Variants in MRE11 observed in about 807,000 individuals in gnomAD.
The protein encoded by MRE11 is double-strand break repair protein MRE11.
Under a neutral mutation model 91.7 loss-of-function variants are expected in MRE11, and 62 were observed. The observed-to-expected ratio is 0.68, with a 90% confidence interval of 0.55 to 0.84. The LOEUF is 0.84. Ranked by LOEUF, MRE11 falls within the 40% of genes least tolerant of loss-of-function variation. The pLI is 0.00. For synonymous variants in MRE11, 273 were observed against 271.4 expected (o/e 1.01, Z -0.06); for missense variants, 796 against 852.9 (o/e 0.93, Z 0.83).
At position 94,476,314 on chromosome 11, in the gene MRE11, T is replaced by C. The variant is rs754184272; in HGVS notation, c.634A>G (p.Asn212Asp). 4 of 1,612,876 alleles carry C rather than the reference T, an allele frequency of 2.5e-6. No homozygotes were observed. The South Asian group carries it at 4.4e-5, about 18-fold the overall frequency. ...RPKEDENSWF[N>D]LFVIHQNRSK... ...CTGTTCTGATGAATCACAAATAAGT[T>C]AAACCAAGAGTTCTCATCTTCCTTT... Residue 212 changes from asparagine (N) to aspartate (D), a missense_variant, in exon 7 of 20, where the codon AAC becomes GAC. Asn to Asp is a conservative substitution (Grantham distance 23). Coordinates refer to ENST00000323929, the MANE Select transcript of MRE11 (RefSeq NM_005591.4).
intron 4 of MRE11, among the ~76,000 whole-genome samples, chr11:94,482,183 A>G (rs1947029335): frequency 6.6e-6 from 1 of 152,214 alleles, no homozygotes; most frequent in South Asian, 2.1e-4. Context: ...TATGCTGGTC[A>G]CTACTCTAGC....
the MRE11 span, among the ~76,000 whole-genome samples, chr11:94,507,166 A>T: frequency 6.6e-6 from 1 of 152,206 alleles, no homozygotes; most frequent in African/African-American, 2.4e-5. Flanking sequence ...CTCAAAGGTA[A>T]CTATAATCTA....
At chr11:94,435,680 G>T in intron 18 of MRE11, 152 bp downstream of exon 18, 1 of 662,472 alleles carries the variant, frequency 1.5e-6, no homozygotes, top group Non-Finnish European at 2.7e-6. Flanking sequence ...CTATAAACTA[G>T]CCCTTGGTCT....
intron 1 of MRE11, chr11:94,493,549 C>A (rs547346548): frequency 6.6e-6 from 1 of 152,202 alleles, no homozygotes; most frequent in East Asian, 1.9e-4. Flanking sequence ...CGCAGGGAAC[C>A]TCGGAATCAG....
chr11:94,503,695 CA>C, the MRE11 span, among the ~76,000 whole-genome samples: 473 of 124,542 alleles, frequency 3.8e-3, no homozygotes, highest in African/African-American at 5.5e-3. Flanking sequence ...GACTCCGTGT[CA>C]AAAAAAAAAA....
In MRE11 at chr11:94,460,963, T is replaced by C. The variant is rs765307231; in HGVS notation, c.1299A>G (p.Val433=). 1.9e-6 allele frequency: 3 copies of C among 1,613,864 alleles called. No individual in the cohort carries two copies. The highest frequency in any genetic ancestry group is 3.3e-5 in the Admixed American group (2 of 60,022). Reference sequence around the variant, plus strand: ...TCTCTGCGGTTTGAAAGTACTGTTTTACAAGATCTTCTACCCTTAAAGTTG... The same window carrying C: ...TCTCTGCGGTTTGAAAGTACTGTTTCACAAGATCTTCTACCCTTAAAGTTG... ...EGTTLRVEDL[V]KQYFQTAEKN... The change falls in exon 12 of 20, where the codon GTA becomes GTG. Residue 433 remains valine (V), a synonymous_variant. Transcript: ENST00000323929.
At chr11:94,444,329 A>T (rs956675933) in intron 16 of MRE11, among the ~76,000 whole-genome samples, 8 of 152,218 alleles carry the variant, frequency 5.3e-5, no homozygotes, top group African/African-American at 1.7e-4. Flanking sequence ...AATTTAGTAC[A>T]CAGAGAGAAC....
chr11:94,429,808 GTTAT>G (rs1945414267), intron 19 of MRE11, 99 bp downstream of exon 19: 6 of 968,378 alleles, frequency 6.2e-6, no homozygotes, highest in Non-Finnish European at 9.4e-6. Flanking sequence ...AAAAGATGAA[GTTAT>G]TTATCAAAGA....
In MRE11 at chr11:94,437,204, T is replaced by TCC. The variant is rs1945643490; in HGVS notation, c.1898_1899insGG (p.Asn634GlufsTer11). The TCC allele has an allele frequency of 6.2e-7, 1 of 1,613,022 alleles. No homozygotes were observed. Among genetic ancestry groups the TCC allele is most frequent in the African/African-American group, 1.3e-5 (1 of 74,896 alleles). Reference sequence around the variant, plus strand: ...CTGAATAATTCTTAGTAGTGACATTTCGGGAAGGCTGCTGTCTTGTAGATT... The same window carrying TCC: ...CTGAATAATTCTTAGTAGTGACATTTCCCGGGAAGGCTGCTGTCTTGTAGATT... On this transcript the variant is annotated frameshift_variant, in exon 17 of 20. Coordinates refer to ENST00000323929, the MANE Select transcript of MRE11 (RefSeq NM_005591.4). LOFTEE classifies it high-confidence loss of function.
At chr11:94,479,836 T>C in intron 4 of MRE11, 75 bp from the exon 5 acceptor site, 1 of 1,181,784 alleles carries the variant, frequency 8.5e-7, no homozygotes, top group South Asian at 1.3e-5. Flanking sequence ...CTCCAAAATA[T>C]TAATGCAATC....
intron 4 of MRE11, among the ~76,000 whole-genome samples, chr11:94,485,069 C>A (rs138807638): frequency 2.6e-5 from 4 of 151,926 alleles, no homozygotes; most frequent in Non-Finnish European, 5.9e-5. Context: ...AAAAATTTGC[C>A]GGGCGTGGTG....
In MRE11 at chr11:94,492,828, G is replaced by A. The variant is rs373864493; in HGVS notation, c.-27C>T. ...TTTATGGTCAGTCAAGCTCCTCTGGGACCAGGTTCTTCTCCAAGAACCCCT... is the reference window on the plus strand; with the variant it reads ...TTTATGGTCAGTCAAGCTCCTCTGGAACCAGGTTCTTCTCCAAGAACCCCT... On this transcript the variant is annotated 5_prime_UTR_variant, in exon 2 of 20. Transcript: ENST00000323929. The A allele has an allele frequency of 1.9e-6, 3 of 1,611,312 alleles. No homozygotes were observed. The highest frequency in any genetic ancestry group is 2.7e-5 in the African/African-American group (2 of 74,830).
chr11:94,508,630 C>T, the MRE11 span, among the ~76,000 whole-genome samples: 1 of 152,152 alleles, frequency 6.6e-6, no homozygotes, highest in Non-Finnish European at 1.5e-5. Context: ...TTTCATTGAG[C>T]TATCTTTGCC....
the MRE11 span, among the ~76,000 whole-genome samples, chr11:94,509,599 C>G: frequency 2.0e-5 from 3 of 152,004 alleles, no homozygotes; most frequent in Admixed American, 2.0e-4. Context: ...CGTACCACCA[C>G]GCCCAGCTAA....
At chr11:94,483,080 T>A (rs1045705967) in intron 4 of MRE11, among the ~76,000 whole-genome samples, 1 of 152,116 alleles carries the variant, frequency 6.6e-6, no homozygotes, top group Admixed American at 6.5e-5. Context: ...AGCCAAACTA[T>A]CAATCAAGGG....
At chr11:94,473,721 G>A (rs1216260410) in intron 7 of MRE11, among the ~76,000 whole-genome samples, 1 of 152,006 alleles carries the variant, frequency 6.6e-6, no homozygotes, top group Non-Finnish European at 1.5e-5. Context: ...ATACAGAAAG[G>A]CTAAAGACTA....
chr11:94,422,955 C>T (rs1370133112), intron 19 of MRE11, among the ~76,000 whole-genome samples: 4 of 152,200 alleles, frequency 2.6e-5, no homozygotes, highest in African/African-American at 9.6e-5. Flanking sequence ...TCAGGTGATC[C>T]GCCTGCCTCA....
At chr11:94,499,532 A>T in the MRE11 span, 2 of 152,234 alleles carry the variant, frequency 1.3e-5, no homozygotes, top group Non-Finnish European at 2.9e-5. Context: ...GACAAAAAGC[A>T]TAAGTAAAAA....
At chr11:94,436,669 A>G (rs960546582) in intron 17 of MRE11, among the ~76,000 whole-genome samples, 2 of 152,216 alleles carry the variant, frequency 1.3e-5, no homozygotes, top group African/African-American at 2.4e-5. Context: ...GTAATAAGAG[A>G]ATCAAGCCCA....
Sources: allele counts gnomAD v4.1 joint callset (sites outside exome capture counted in the v4.1 genomes callset), GRCh38; gene constraint gnomAD v4.1.1; transcripts MANE v1.5; gene names NCBI Gene and HGNC (gene_info 2026-07-23, HGNC 2026-07-21).